LRRC4C: variants seen among roughly 807,000 people sequenced by gnomAD.
The protein encoded by LRRC4C is leucine rich repeat containing 4C, also known as leucine-rich repeat-containing protein 4C.
A neutral mutation model predicts 33.6 loss-of-function variants in LRRC4C; 5 were observed. That is an observed-to-expected ratio of 0.15 (90% CI 0.08 to 0.31). The LOEUF (loss-of-function observed/expected upper bound fraction) is 0.31, where lower values mean the gene tolerates loss of function less well. LRRC4C is among the 10% of genes least tolerant of loss of function. LRRC4C has a pLI of 1.00. For missense variants in LRRC4C, 560 were observed against 796.7 expected (o/e 0.70, Z 3.58); for synonymous variants, 329 against 302.0 (o/e 1.09, Z -0.93).
At chr11:40,984,115 A>T (rs375246063) in intron 1 of LRRC4C, among the ~76,000 whole-genome samples, 1 of 151,612 alleles carries the variant, frequency 6.6e-6, no homozygotes, top group Non-Finnish European at 1.5e-5. Context: ...TAACAGTACT[A>T]TTGACAAAAT....
At chr11:40,501,646 C>T (rs1954778293) in intron 3 of LRRC4C, among the ~76,000 whole-genome samples, 1 of 152,094 alleles carries the variant, frequency 6.6e-6, no homozygotes, top group Non-Finnish European at 1.5e-5. Context: ...AAGCAGGGCA[C>T]CAAGTCCCTA....
chr11:40,634,011 TA>T (rs1426561398), intron 3 of LRRC4C, among the ~76,000 whole-genome samples: 5 of 152,196 alleles, frequency 3.3e-5, no homozygotes, highest in African/African-American at 4.8e-5. Flanking sequence ...TAATTAAGTA[TA>T]AAATAGTGGG....
At chr11:41,133,277 A>G (rs1017133122) in intron 1 of LRRC4C, among the ~76,000 whole-genome samples, 1 of 152,118 alleles carries the variant, frequency 6.6e-6, no homozygotes, top group Non-Finnish European at 1.5e-5. Context: ...ACTCTTTCAA[A>G]GTTCAGGGCT....
chr11:40,519,580 G>A lies in LRRC4C; in HGVS notation c.-270+128562C>T, dbSNP rs59165951. ...GCTCTGAATTAGGCTTTGTCTTAAC[G>A]GAATGTTGTGGCTGATTTTATCTTC... On this transcript the variant is annotated intron_variant, in intron 3 of 6. Transcript: ENST00000528697. Among the ~76,000 whole-genome samples the A allele has an allele frequency of 8.8e-3, 1,337 of 152,158 alleles. 11 individuals carry two copies. The highest frequency in any genetic ancestry group is 0.031 in the African/African-American group (1,269 of 41,500).
chr11:40,471,908 T>C (rs1952958098), intron 3 of LRRC4C, among the ~76,000 whole-genome samples: 1 of 152,116 alleles, frequency 6.6e-6, no homozygotes, highest in South Asian at 2.1e-4. Context: ...GACCACATAA[T>C]TGGAAGTAAA....
chr11:40,750,577 T>C (rs1948639009), intron 2 of LRRC4C, among the ~76,000 whole-genome samples: 1 of 143,828 alleles, frequency 7.0e-6, no homozygotes, highest in Non-Finnish European at 1.5e-5. Flanking sequence ...TACCGCATGT[T>C]CTCACTCATA....
At chr11:40,225,402 C>T (rs575464561) in intron 5 of LRRC4C, among the ~76,000 whole-genome samples, 62 of 152,258 alleles carry the variant, frequency 4.1e-4, no homozygotes, top group Non-Finnish European at 4.4e-5. Flanking sequence ...CTATTGTCCT[C>T]ATTTGGTCTC....
intron 3 of LRRC4C, among the ~76,000 whole-genome samples, chr11:40,416,835 A>G (rs1214562535): frequency 6.6e-6 from 1 of 152,210 alleles, no homozygotes; most frequent in Non-Finnish European, 1.5e-5. Context: ...CCAATAGGGA[A>G]GGAATCTGCT....
intron 3 of LRRC4C, among the ~76,000 whole-genome samples, chr11:40,549,163 G>T (rs528032320): frequency 4.6e-5 from 7 of 152,228 alleles, no homozygotes; most frequent in Non-Finnish European, 8.8e-5. Flanking sequence ...AATTATGTTT[G>T]TCCTAATCAA....
At chr11:40,721,717 G>A (rs962549868) in intron 2 of LRRC4C, among the ~76,000 whole-genome samples, 1 of 152,324 alleles carries the variant, frequency 6.6e-6, no homozygotes. Context: ...TTGGGAAGCC[G>A]AGGTGGGCGG....
At chr11:41,229,451 C>A (rs1336981061) in intron 1 of LRRC4C, among the ~76,000 whole-genome samples, 1 of 152,012 alleles carries the variant, frequency 6.6e-6, no homozygotes, top group Non-Finnish European at 1.5e-5. Flanking sequence ...TTCAGGAGCC[C>A]CAGTCTATAG....
intron 1 of LRRC4C, among the ~76,000 whole-genome samples, chr11:41,048,555 G>A (rs927488901): frequency 4.6e-5 from 7 of 152,020 alleles, no homozygotes; most frequent in Non-Finnish European, 5.9e-5. Flanking sequence ...GAGCCACTGC[G>A]CCCAGCCCGA....
chr11:40,474,063 G>A (rs537819117), intron 3 of LRRC4C, among the ~76,000 whole-genome samples: 125 of 150,770 alleles, frequency 8.3e-4, no homozygotes, highest in Non-Finnish European at 1.4e-3. Context: ...ATTCCATCAA[G>A]CTACCATTGA....
intron 2 of LRRC4C, among the ~76,000 whole-genome samples, chr11:40,663,900 A>C (rs537617924): frequency 1.0e-3 from 156 of 152,304 alleles, no homozygotes; most frequent in African/African-American, 3.4e-3. Context: ...ATAAAGAGGA[A>C]TAGGAAGAAT....
At position 40,264,888 on chromosome 11, in the gene LRRC4C, C is replaced by T. The variant is rs532686793; in HGVS notation, c.-175-23290G>A. 1.2e-4 allele frequency among the ~76,000 whole-genome samples: 19 copies of T among 152,292 alleles called. No homozygotes were observed. The South Asian group carries it at 2.3e-3, about 18-fold the overall frequency. On this transcript the variant is annotated intron_variant, in intron 4 of 6. Transcript: ENST00000528697. ...AACATACACAGATCATCCATTTCTA[C>T]ATACATGGCAAGAACTATTAGGCTA...
chr11:40,952,339 G>A (rs548942956), intron 1 of LRRC4C, among the ~76,000 whole-genome samples: 1 of 151,946 alleles, frequency 6.6e-6, no homozygotes, highest in Middle Eastern at 3.4e-3. Context: ...AGGTTGGCTG[G>A]CTTCGAAAGC....
At chr11:41,287,744 C>T (rs1949874007) in intron 1 of LRRC4C, among the ~76,000 whole-genome samples, 1 of 152,112 alleles carries the variant, frequency 6.6e-6, no homozygotes, top group Non-Finnish European at 1.5e-5. Context: ...CCTGTTAAAC[C>T]TTGGCCTAAT....
intron 1 of LRRC4C, among the ~76,000 whole-genome samples, chr11:41,298,503 G>A (rs1200379029): frequency 6.6e-6 from 1 of 151,884 alleles, no homozygotes; most frequent in East Asian, 1.9e-4. Context: ...AATGGATATG[G>A]GCAACAGGCA....
intron 2 of LRRC4C, among the ~76,000 whole-genome samples, chr11:40,744,790 C>G (rs10837495): frequency 1.3e-5 from 2 of 151,874 alleles, no homozygotes; most frequent in South Asian, 2.1e-4. Flanking sequence ...ACAGCAAAGT[C>G]CATGTTCTTA....
Sources: gnomAD v4.1 joint callset for allele counts (sites outside exome capture counted in the v4.1 genomes callset) on GRCh38, gnomAD v4.1.1 for gene constraint, MANE v1.5 for transcripts, NCBI Gene and HGNC (gene_info 2026-07-23, HGNC 2026-07-21) for gene names.